The following ZNF91 variants were observed in gnomAD, a reference collection of about 807,000 sequenced individuals.
ZNF91 encodes the protein zinc finger protein 91 (HPF7, HTF10).
In ZNF91, 7 loss-of-function variants were observed where a neutral mutation model predicts 12.6. The ratio of observed to expected loss-of-function variants is 0.55; its 90% CI spans 0.31 to 1.04. The LOEUF (loss-of-function observed/expected upper bound fraction) is 1.04. Ranked by LOEUF, ZNF91 falls within the 50% of genes least tolerant of loss-of-function variation. ZNF91 has a pLI of 0.05. For missense variants in ZNF91, 1,217 were observed against 1,385.4 expected (o/e 0.88, Z 1.93); for synonymous variants, 453 against 462.6 (o/e 0.98, Z 0.27).
At chr19:23,338,552 A>G (rs1968059306), downstream of ZNF91, 2 of 152,122 alleles carry the variant, frequency 1.3e-5, no homozygotes. Flanking sequence ...GATATTCACC[A>G]TTATTAAAAT....
intron 3 of ZNF91, among the ~76,000 whole-genome samples, chr19:23,368,765 T>C (rs1311168645): frequency 6.6e-6 from 1 of 151,836 alleles, no homozygotes; most frequent in Non-Finnish European, 1.5e-5. Context: ...ATGTGATAAG[T>C]GTGAATATCC....
At chr19:23,305,215 TACAA>T (rs1268173500) in intron 3 of ZNF91, 1 of 152,148 alleles carries the variant, frequency 6.6e-6, no homozygotes, top group Non-Finnish European at 1.5e-5. Context: ...GATAAACACA[TACAA>T]ACACATACAA....
chr19:23,309,041 T>C (rs1967433056), exon 2 of ZNF91: 1 of 150,728 alleles, frequency 6.6e-6, no homozygotes, highest in African/African-American at 2.4e-5. Context: ...AGGAGAATAA[T>C]GACATATCTT....
intron 1 of ZNF91, among the ~76,000 whole-genome samples, chr19:23,387,331 C>T (rs922533860): frequency 2.0e-5 from 3 of 152,206 alleles, no homozygotes; most frequent in African/African-American, 7.2e-5. Flanking sequence ...CTCATAAAGA[C>T]ACATGCACAA....
rs536238824 is a variant in ZNF91 at position 23,360,266 on chromosome 19, T to A, written c.2713A>T (p.Thr905Ser). 6.4e-5 allele frequency: 103 copies of A among 1,613,714 alleles called. No homozygotes were observed. Among genetic ancestry groups the A allele is most frequent in the Non-Finnish European group, 8.2e-5 (97 of 1,179,868 alleles). The change falls in exon 4 of 4, where the codon ACC becomes TCC. Residue 905 changes from threonine (T) to serine (S), a missense_variant. Physicochemically the swap from Thr to Ser is moderately conservative, Grantham distance 58 (BLOSUM62 1). This residue lies in a region of ZNF91 where 491 missense variants were observed against 489.8 expected (regional missense o/e 1.00). Coordinates refer to ENST00000300619, the MANE Select transcript of ZNF91 (RefSeq NM_003430.4). The part of the protein sequence containing the change: ...STLTEHKRIH[T>S]REKTYKCEEC... ...TCACATTTGTAGGTTTTCTCTCTGG[T>A]ATGAATTCTCTTATGTTCAGTAAGG...
chr19:23,325,761 C>T (rs1445494466), intron 1 of ZNF91: 1 of 152,216 alleles, frequency 6.6e-6, no homozygotes, highest in Admixed American at 6.5e-5. Context: ...CTAAGGTCCT[C>T]ATTGAGTCAT....
At chr19:23,342,186 T>G in intron 3 of ZNF91, 1 of 540,870 alleles carries the variant, frequency 1.8e-6, no homozygotes, top group Non-Finnish European at 3.4e-6. Context: ...AGCTGACTAC[T>G]GTCTCATGTC....
intron 3 of ZNF91, among the ~76,000 whole-genome samples, chr19:23,344,530 T>C (rs1968182501): frequency 6.6e-6 from 1 of 152,224 alleles, no homozygotes; most frequent in African/African-American, 2.4e-5. Context: ...AGAAGACACA[T>C]TTCTTTGAAT....
In ZNF91 at chr19:23,361,468, G is replaced by A. The variant is rs1381207398; in HGVS notation, c.1511C>T (p.Thr504Ile). 2 of 1,608,446 alleles carry A rather than the reference G, an allele frequency of 1.2e-6. No individual in the cohort carries two copies. The highest frequency in any genetic ancestry group is 1.4e-5 in the African/African-American group (1 of 73,368). ...ATGAATTATCTTATGTTTAGTAAGG[G>A]TTGAGGATTGCCTAAAAGCTTTGCC... is the stretch of plus-strand genomic sequence containing the variant. ...ECGKAFRQSS[T>I]LTKHKIIHTG... Residue 504 changes from threonine (T) to isoleucine (I), a missense_variant, in exon 4 of 4, where the codon ACC becomes ATC. Around this residue, in one of 2 missense-constraint regions of ZNF91, gnomAD observed 726 missense variants for 895.5 expected, o/e 0.81. Coordinates refer to ENST00000300619, the MANE Select transcript of ZNF91 (RefSeq NM_003430.4).
Position 23,360,586 on chromosome 19 carries a change from T to C in ZNF91, c.2393A>G (p.Tyr798Cys). 2 of 1,614,068 alleles carry C rather than the reference T, an allele frequency of 1.2e-6. No individual in the cohort carries two copies. Among genetic ancestry groups the C allele is most frequent in the Non-Finnish European group, 8.5e-7 (1 of 1,179,980 alleles). Residue 798 changes from tyrosine (Y) to cysteine (C), a missense_variant, in exon 4 of 4, where the codon TAC becomes TGC. Physicochemically the swap from Tyr to Cys is radical, Grantham distance 194. Coordinates refer to ENST00000300619, the MANE Select transcript of ZNF91 (RefSeq NM_003430.4). ...AGCTTTGCCACATTCTTCACATTTGTAGGGCTTCTCTCCAGTGTGTATCCT... is the reference window on the plus strand; with the variant it reads ...AGCTTTGCCACATTCTTCACATTTGCAGGGCTTCTCTCCAGTGTGTATCCT... ...HKRIHTGEKP[Y>C]KCEECGKAFS... is the part of the protein sequence containing the mutation.
chr19:23,373,382 A>ATG (rs1969369998), intron 3 of ZNF91, among the ~76,000 whole-genome samples: 1 of 73,088 alleles, frequency 1.4e-5, no homozygotes, highest in African/African-American at 4.5e-5. Flanking sequence ...ATATATATAT[A>ATG]TATAAATAAA....
intron 3 of ZNF91, among the ~76,000 whole-genome samples, chr19:23,373,346 T>TATATA (rs1491403502): frequency 5.8e-5 from 5 of 85,804 alleles, no homozygotes; most frequent in East Asian, 2.4e-4. Flanking sequence ...TCATGTAATC[T>TATATA]TATATATATA....
chr19:23,395,220 T>C (rs963937418), intron 1 of ZNF91, 105 bp downstream of exon 1: 4 of 1,403,902 alleles, frequency 2.8e-6, no homozygotes, highest in Non-Finnish European at 4.0e-6. Context: ...CGGGCACGGA[T>C]TGTGGAGCTG....
At chr19:23,357,088 G>A (rs920284857), downstream of ZNF91, among the ~76,000 whole-genome samples, 13 of 152,190 alleles carry the variant, frequency 8.5e-5, no homozygotes, top group Non-Finnish European at 1.3e-4. Flanking sequence ...TGAGCCGGGC[G>A]TGGTGATGCA....
rs766074824 is a variant in ZNF91 at position 23,359,486 on chromosome 19, G to A, written c.3493C>T (p.Leu1165Phe). Residue 1165 changes from leucine (L) to phenylalanine (F), a missense_variant, in exon 4 of 4, where the codon CTT becomes TTT. Physicochemically the swap from Leu to Phe is conservative, Grantham distance 22. Transcript: ENST00000300619. ...IHTITPVIPL[L>F]WEAEAGGSRG... ...GATCCGCCCGCCTCGGCCTCCCAAA[G>A]TAGTGGGATTACAGGTGTGATAGTA... 1.9e-6 allele frequency: 3 copies of A among 1,609,296 alleles called. No individual in the cohort carries two copies. The highest frequency in any genetic ancestry group is 1.3e-5 in the African/African-American group (1 of 74,780).
At chr19:23,339,422 T>C (rs1438092685) in intron 3 of ZNF91, 1 of 152,112 alleles carries the variant, frequency 6.6e-6, no homozygotes, top group East Asian at 1.9e-4. Context: ...AATACAATAA[T>C]AGTGGAGAAA....
At position 23,357,782 on chromosome 19, in the gene ZNF91, A is replaced by G. The variant is rs2145042328; in HGVS notation, c.*1621T>C. 2 of 152,308 alleles carry G rather than the reference A, an allele frequency of 1.3e-5. 1 individual carries two copies. Among genetic ancestry groups the G allele is most frequent in the South Asian group, 4.1e-4 (2 of 4,828 alleles). 9.4% of individuals were successfully genotyped at this position (152,308 alleles called of 1,614,324 possible). On this transcript the variant is annotated 3_prime_UTR_variant, in exon 4 of 4. Coordinates refer to ENST00000300619, the MANE Select transcript of ZNF91 (RefSeq NM_003430.4). Reference sequence around the variant, plus strand: ...CAACAACAATTTAATTGTACATTTAAAAATAACTAAAACTGTAGAATTGAA... The same window carrying G: ...CAACAACAATTTAATTGTACATTTAGAAATAACTAAAACTGTAGAATTGAA...
chr19:23,369,814 G>T (rs1040445611), intron 3 of ZNF91, among the ~76,000 whole-genome samples: 4 of 150,750 alleles, frequency 2.7e-5, no homozygotes, highest in Non-Finnish European at 4.4e-5. Flanking sequence ...CAGCATGCTC[G>T]TTAAGAGTCA....
At chr19:23,309,413 G>A (rs1967438669) in intron 1 of ZNF91, among the ~76,000 whole-genome samples, 1 of 152,144 alleles carries the variant, frequency 6.6e-6, no homozygotes, top group Admixed American at 6.5e-5. Flanking sequence ...TTACCCAAAG[G>A]TAACAGTGTG....
Sources: allele counts gnomAD v4.1 joint callset (sites outside exome capture counted in the v4.1 genomes callset), GRCh38; gene constraint gnomAD v4.1.1; regional missense constraint gnomAD v4.1.1; transcripts MANE v1.5; gene names NCBI Gene and HGNC (gene_info 2026-07-23, HGNC 2026-07-21).